The following TTC39C variants were observed in gnomAD, a reference collection of about 807,000 sequenced individuals.
TTC39C encodes the protein tetratricopeptide repeat domain 39C.
Under a neutral mutation model 76.3 loss-of-function variants are expected in TTC39C, and 33 were observed. The observed-to-expected ratio is 0.43, with a 90% CI of 0.33 to 0.58. The LOEUF is 0.58. Among genes scored for constraint, TTC39C ranks in the 20% least tolerant of loss-of-function variants. The probability of loss-of-function intolerance (pLI) is 0.04; values close to 1 mark genes in which losing one functional copy is unlikely to be tolerated. For synonymous variants in TTC39C, 254 were observed against 260.6 expected (o/e 0.97, Z 0.24); for missense variants, 595 against 701.4 (o/e 0.85, Z 1.71).
Position 24,074,141 on chromosome 18 carries a change from T to C in TTC39C, c.460+4870T>C, listed in dbSNP as rs528788138. ...AATAAATTCTAATTCAGCAGGATAC[T>C]TCAGCCATAGACATATAAGTTAGTT... is the stretch of plus-strand genomic sequence containing the variant. On this transcript the variant is annotated intron_variant, in intron 4 of 13. Coordinates refer to ENST00000317571, the MANE Select transcript of TTC39C (RefSeq NM_001135993.2). Among the ~76,000 whole-genome samples, 4 of 152,360 alleles carry C rather than the reference T, an allele frequency of 2.6e-5. No homozygotes were observed. In the South Asian group the frequency reaches 8.3e-4, roughly 32 times the overall value.
chr18:24,130,971 C>T (rs1226414188), intron 12 of TTC39C, among the ~76,000 whole-genome samples: 1 of 121,148 alleles, frequency 8.3e-6, no homozygotes, highest in Non-Finnish European at 1.6e-5. Flanking sequence ...ATCACTTGAG[C>T]CCAGAAGTTC....
intron 1 of TTC39C, among the ~76,000 whole-genome samples, chr18:23,994,727 C>T (rs1213761330): frequency 6.6e-6 from 1 of 152,162 alleles, no homozygotes; most frequent in African/African-American, 2.4e-5. Context: ...TGATTCTCAG[C>T]AGATGAAATG....
At chr18:24,041,526 T>C (rs16940438) in intron 1 of TTC39C, among the ~76,000 whole-genome samples, 105,862 of 152,026 alleles carry the variant, frequency 0.7, 38,608 homozygotes, top group Non-Finnish European at 0.82. Flanking sequence ...GCAACAAGTT[T>C]CCTGGTTCAT....
At chr18:24,037,664 A>T (rs1330867596) in intron 1 of TTC39C, among the ~76,000 whole-genome samples, 1 of 152,192 alleles carries the variant, frequency 6.6e-6, no homozygotes, top group African/African-American at 2.4e-5. Context: ...GTGTTGCATT[A>T]ACTGGTTACT....
At chr18:24,114,712 C>A in intron 7 of TTC39C, 65 bp downstream of exon 7, 1 of 1,284,488 alleles carries the variant, frequency 7.8e-7, no homozygotes, top group Non-Finnish European at 1.1e-6. Flanking sequence ...TTTTAGCTTT[C>A]ATGCCATTCA....
At chr18:24,083,803 A>T (rs2084407721) in intron 6 of TTC39C, among the ~76,000 whole-genome samples, 1 of 152,150 alleles carries the variant, frequency 6.6e-6, no homozygotes, top group Non-Finnish European at 1.5e-5. Context: ...GGTTATGAGG[A>T]TTTGTAGAAA....
intron 1 of TTC39C, among the ~76,000 whole-genome samples, chr18:24,023,537 C>T (rs1241059353): frequency 1.3e-5 from 2 of 152,186 alleles, no homozygotes; most frequent in Non-Finnish European, 2.9e-5. Flanking sequence ...GTGTTGTGTG[C>T]AGTGACAAGG....
intron 1 of TTC39C, among the ~76,000 whole-genome samples, chr18:24,017,362 GCTTC>G (rs1270952709): frequency 2.0e-5 from 3 of 152,148 alleles, no homozygotes; most frequent in Non-Finnish European, 4.4e-5. Flanking sequence ...CTCAAAATTT[GCTTC>G]CTTATCTATA....
chr18:24,023,292 C>A (rs1206924627), intron 1 of TTC39C, among the ~76,000 whole-genome samples: 7 of 152,186 alleles, frequency 4.6e-5, no homozygotes, highest in African/African-American at 1.7e-4. Context: ...AGAGCTCCTG[C>A]CTGGCCCCGT....
chr18:24,124,101 A>G, intron 9 of TTC39C, 158 bp downstream of exon 9: 1 of 539,748 alleles, frequency 1.9e-6, no homozygotes, highest in Non-Finnish European at 3.2e-6. Context: ...CCATGATTGT[A>G]CATCTGCTCT....
chr18:24,119,181 C>T (rs2084935974), intron 8 of TTC39C, among the ~76,000 whole-genome samples: 1 of 152,210 alleles, frequency 6.6e-6, no homozygotes, highest in African/African-American at 2.4e-5. Context: ...CACCTGGTGG[C>T]CAAAGTAGTT....
At chr18:24,115,229 C>T (rs948147004) in intron 7 of TTC39C, among the ~76,000 whole-genome samples, 2 of 152,206 alleles carry the variant, frequency 1.3e-5, no homozygotes, top group Non-Finnish European at 1.5e-5. Flanking sequence ...CAGTCACCAA[C>T]AAACCTGGAA....
chr18:24,104,226 C>A (rs1047849141), intron 6 of TTC39C, among the ~76,000 whole-genome samples: 18 of 152,204 alleles, frequency 1.2e-4, no homozygotes, highest in Non-Finnish European at 8.8e-5. Context: ...GCTACCGCAC[C>A]TAGCCCCAAA....
chr18:24,063,663 G>C (rs760427134), intron 1 of TTC39C, among the ~76,000 whole-genome samples: 7 of 151,860 alleles, frequency 4.6e-5, no homozygotes, highest in Middle Eastern at 3.2e-3. Flanking sequence ...ACAGACACCC[G>C]CCACCACTTG....
At chr18:24,099,561 T>C (rs2084651618) in intron 6 of TTC39C, among the ~76,000 whole-genome samples, 2 of 151,996 alleles carry the variant, frequency 1.3e-5, no homozygotes, top group South Asian at 4.1e-4. Context: ...TGTATGTATT[T>C]AAATGTGAAT....
At chr18:24,023,938 A>C (rs1208400311) in intron 1 of TTC39C, among the ~76,000 whole-genome samples, 1 of 19,016 alleles carries the variant, frequency 5.3e-5, no homozygotes, top group Admixed American at 4.6e-4. Flanking sequence ...AATTACATAT[A>C]TATATATGCA....
chr18:24,002,517 C>T (rs886546420), intron 1 of TTC39C, among the ~76,000 whole-genome samples: 3 of 152,074 alleles, frequency 2.0e-5, no homozygotes, highest in Non-Finnish European at 4.4e-5. Context: ...TCTTGAATGC[C>T]CAGAGTGATC....
At chr18:24,035,193 A>G (rs1420404587) in intron 1 of TTC39C, among the ~76,000 whole-genome samples, 1 of 152,156 alleles carries the variant, frequency 6.6e-6, no homozygotes, top group Non-Finnish European at 1.5e-5. Context: ...TTCACGTGCC[A>G]TCAAGTCCAG....
At chr18:24,003,893 G>A (rs2083332496) in intron 1 of TTC39C, among the ~76,000 whole-genome samples, 1 of 152,102 alleles carries the variant, frequency 6.6e-6, no homozygotes. Flanking sequence ...AACAACAGGG[G>A]CCTACCACCA....
Sources: gnomAD v4.1 joint callset for allele counts (sites outside exome capture counted in the v4.1 genomes callset) on GRCh38, gnomAD v4.1.1 for gene constraint, MANE v1.5 for transcripts, NCBI Gene and HGNC (gene_info 2026-07-23, HGNC 2026-07-21) for gene names.